Variants in ODAD2 observed in about 807,000 individuals in gnomAD.
ODAD2 encodes the protein outer dynein arm-docking complex subunit 2.
Under a neutral mutation model 106.8 loss-of-function variants are expected in ODAD2, and 89 were observed. The ratio of observed to expected loss-of-function variants is 0.83; its 90% CI spans 0.70 to 0.99. The LOEUF is 0.99. Among genes scored for constraint, ODAD2 ranks in the 50% least tolerant of loss-of-function variants. The pLI is 0.00. For synonymous variants in ODAD2, 404 were observed against 436.2 expected (o/e 0.93, Z 0.92); for missense variants, 1,168 against 1,238.5 (o/e 0.94, Z 0.85).
intron 16 of ODAD2, among the ~76,000 whole-genome samples, chr10:27,924,008 A>AAGAG (rs1320664230): frequency 0.068 from 7,040 of 104,216 alleles, 897 homozygotes; most frequent in Middle Eastern, 0.12. Context: ...GAAAGAAAGA[A>AAGAG]AGAAAGAAAG....
intron 19 of ODAD2, among the ~76,000 whole-genome samples, chr10:27,845,394 C>T (rs533117024): frequency 3.1e-4 from 47 of 152,274 alleles, no homozygotes; most frequent in African/African-American, 1.1e-3. Context: ...CACCACCAGG[C>T]CTGCCCTAAA....
intron 19 of ODAD2, among the ~76,000 whole-genome samples, chr10:27,826,130 GT>G (rs1395216476): frequency 6.6e-6 from 1 of 152,050 alleles, no homozygotes; most frequent in African/African-American, 2.4e-5. Context: ...GAAATTCCAG[GT>G]TCTGGAGGAC....
chr10:27,970,480 C>T (rs1274916810), intron 8 of ODAD2, among the ~76,000 whole-genome samples: 1 of 152,114 alleles, frequency 6.6e-6, no homozygotes, highest in Non-Finnish European at 1.5e-5. Flanking sequence ...GTTTTATCAT[C>T]TTTTCTGCAT....
intron 19 of ODAD2, among the ~76,000 whole-genome samples, chr10:27,824,138 CAAAAAAAAAAAAAA>C (rs71388934): frequency 3.0e-5 from 1 of 33,128 alleles, no homozygotes; most frequent in Non-Finnish European, 5.1e-5. Context: ...GACTCCGTCT[CAAAAAAAAAAAAAA>C]AAAAAAAAAA....
chr10:27,833,016 GT>G (rs1837603140), intron 19 of ODAD2, among the ~76,000 whole-genome samples: 1 of 152,292 alleles, frequency 6.6e-6, no homozygotes, highest in African/African-American at 2.4e-5. Context: ...GGTGGAATCT[GT>G]GATGAAATTG....
intron 19 of ODAD2, among the ~76,000 whole-genome samples, chr10:27,858,603 T>C (rs189694931): frequency 1.3e-5 from 2 of 152,088 alleles, no homozygotes; most frequent in Admixed American, 1.3e-4. Context: ...CCTTTCTTTT[T>C]CTAATTCTAA....
chr10:27,903,555 G>A (rs574495762), intron 17 of ODAD2, among the ~76,000 whole-genome samples: 17 of 152,102 alleles, frequency 1.1e-4, no homozygotes, highest in Admixed American at 9.2e-4. Context: ...AAAACCCATC[G>A]TCTCAGCCGA....
At chr10:27,855,408 A>T (rs960867482) in intron 19 of ODAD2, among the ~76,000 whole-genome samples, 1 of 152,114 alleles carries the variant, frequency 6.6e-6, no homozygotes, top group Non-Finnish European at 1.5e-5. Context: ...ATCGATACCA[A>T]TTGGTTCTAT....
intron 15 of ODAD2, among the ~76,000 whole-genome samples, chr10:27,936,488 AATC>A (rs1477867434): frequency 6.6e-6 from 1 of 152,214 alleles, no homozygotes; most frequent in Non-Finnish European, 1.5e-5. Context: ...AAAATAGAGA[AATC>A]ATGTCAGCAA....
At chr10:27,888,417 T>C (rs1842368085) in intron 17 of ODAD2, among the ~76,000 whole-genome samples, 1 of 152,122 alleles carries the variant, frequency 6.6e-6, no homozygotes, top group Admixed American at 6.6e-5. Context: ...TCTCTGATGA[T>C]TGGTGATATT....
chr10:27,982,652 C>G (rs1159892056), intron 6 of ODAD2, among the ~76,000 whole-genome samples: 6 of 152,128 alleles, frequency 3.9e-5, no homozygotes, highest in African/African-American at 1.4e-4. Flanking sequence ...CATTTTGGTA[C>G]CAACCCAAGC....
At chr10:27,912,391 G>A (rs549759211) in intron 16 of ODAD2, among the ~76,000 whole-genome samples, 2 of 152,032 alleles carry the variant, frequency 1.3e-5, no homozygotes, top group South Asian at 2.1e-4. Context: ...ATACATGTAC[G>A]TGCTTTTGGT....
chr10:27,958,999 G>GAAA (rs1847921304), intron 10 of ODAD2: 1 of 1,303,096 alleles, frequency 7.7e-7, no homozygotes, highest in African/African-American at 1.5e-5. Context: ...AATGGACCGG[G>GAAA]ACTCTTGGGA....
intron 16 of ODAD2, among the ~76,000 whole-genome samples, chr10:27,924,250 T>A (rs1325501038): frequency 1.3e-5 from 2 of 151,668 alleles, no homozygotes; most frequent in Non-Finnish European, 2.9e-5. Context: ...TTAAAAAAAA[T>A]TTTAAAGAAA....
At position 27,843,988 on chromosome 10, in the gene ODAD2, C is replaced by A. The variant is rs140342792; in HGVS notation, c.3021+16637G>T. Among the ~76,000 whole-genome samples the A allele has an allele frequency of 1.2e-3, 190 of 152,140 alleles. 1 individual carries two copies. The highest frequency in any genetic ancestry group is 0.011 in the Admixed American group (175 of 15,258). ...GCTGAGGTCGGAGGATTGCTTGAGGCTGAGTTCAAGACTGACCTGGGCAAC... is the reference window on the plus strand; with the variant it reads ...GCTGAGGTCGGAGGATTGCTTGAGGATGAGTTCAAGACTGACCTGGGCAAC... On this transcript the variant is annotated intron_variant, in intron 19 of 19. Transcript: ENST00000305242.
At chr10:27,933,099 A>T (rs1275472494) in intron 16 of ODAD2, among the ~76,000 whole-genome samples, 1 of 152,146 alleles carries the variant, frequency 6.6e-6, no homozygotes, top group Non-Finnish European at 1.5e-5. Flanking sequence ...TCCACAAAAA[A>T]ATTTAAAGAA....
intron 17 of ODAD2, among the ~76,000 whole-genome samples, chr10:27,884,467 G>T (rs1257352362): frequency 6.6e-6 from 1 of 152,126 alleles, no homozygotes; most frequent in African/African-American, 2.4e-5. Context: ...CAGTCAGGAG[G>T]CATTACTTTA....
At chr10:27,878,515 C>T (rs1442008147) in intron 17 of ODAD2, among the ~76,000 whole-genome samples, 8 of 151,980 alleles carry the variant, frequency 5.3e-5, no homozygotes, top group African/African-American at 1.5e-4. Flanking sequence ...ACAAGGCGAG[C>T]GTAACATGAC....
chr10:27,905,770 G>T (rs1843544541), intron 17 of ODAD2, among the ~76,000 whole-genome samples: 1 of 152,168 alleles, frequency 6.6e-6, no homozygotes, highest in South Asian at 2.1e-4. Context: ...ATGGGGAAAG[G>T]ATTCCCTATT....
Sources: allele counts gnomAD v4.1 joint callset (sites outside exome capture counted in the v4.1 genomes callset), GRCh38; gene constraint gnomAD v4.1.1; transcripts MANE v1.5; gene names NCBI Gene and HGNC (gene_info 2026-07-23, HGNC 2026-07-21).